The following KALRN variants were observed in gnomAD, a reference collection of about 807,000 sequenced individuals.
KALRN encodes the protein kalirin.
Under a neutral mutation model 353.7 loss-of-function variants are expected in KALRN, and 70 were observed. The observed-to-expected ratio is 0.20, with a 90% confidence interval of 0.16 to 0.24. The LOEUF is 0.24. KALRN is among the 10% of genes least tolerant of loss of function. KALRN has a pLI of 1.00. For synonymous variants in KALRN, 1,391 were observed against 1,434.8 expected (o/e 0.97, Z 0.69); for missense variants, 2,791 against 3,756.7 (o/e 0.74, Z 6.72).
rs143789295 is a variant in KALRN at position 124,648,115 on chromosome 3, C to T, written c.5665-2693C>T. Among the ~76,000 whole-genome samples, 966 of 152,318 alleles carry T rather than the reference C, an allele frequency of 6.3e-3. 7 individuals carry two copies. Among genetic ancestry groups the T allele is most frequent in the Middle Eastern group, 0.01 (3 of 294 alleles). On this transcript the variant is annotated intron_variant, in intron 37 of 59. Transcript: ENST00000682506. The stretch of plus-strand genomic sequence containing the variant: ...GCAGAACAGAGAATTTTAGGTCAAC[C>T]CTAGTTGCCCTTAGCTGGGGCTCAG...
intron 22 of KALRN, among the ~76,000 whole-genome samples, chr3:124,455,805 C>T (rs80146089): frequency 0.014 from 2,129 of 152,222 alleles, 20 homozygotes; most frequent in Non-Finnish European, 0.022. Flanking sequence ...ACATTTCAAC[C>T]GAACAGAGGT....
At chr3:124,400,412 G>A (rs2090713490) in intron 13 of KALRN, among the ~76,000 whole-genome samples, 1 of 152,120 alleles carries the variant, frequency 6.6e-6, no homozygotes, top group Non-Finnish European at 1.5e-5. Context: ...ACAGGTCCTG[G>A]AACAAAGGAG....
intron 37 of KALRN, among the ~76,000 whole-genome samples, chr3:124,644,322 C>G (rs1309077186): frequency 1.3e-5 from 2 of 150,070 alleles, no homozygotes; most frequent in East Asian, 3.8e-4. Flanking sequence ...ATGGCAGGAT[C>G]TTTTTTTAAA....
intron 19 of KALRN, 41 bp from the exon 20 acceptor site, chr3:124,446,120 C>A: frequency 7.0e-7 from 1 of 1,424,402 alleles, no homozygotes; most frequent in South Asian, 1.2e-5. Flanking sequence ...TGGATTTGCT[C>A]AGAGCCCCTT....
chr3:124,537,974 G>A (rs1033914851), intron 33 of KALRN, among the ~76,000 whole-genome samples: 2 of 152,182 alleles, frequency 1.3e-5, no homozygotes, highest in East Asian at 1.9e-4. Context: ...ATATGGTAAG[G>A]AATCAAAAAA....
chr3:124,336,120 C>T (rs1014814166), intron 9 of KALRN, among the ~76,000 whole-genome samples: 2 of 152,076 alleles, frequency 1.3e-5, no homozygotes, highest in African/African-American at 4.8e-5. Context: ...GAGCATGCCC[C>T]CACTTCTTGG....
chr3:124,504,473 A>T (rs1184872661), intron 33 of KALRN, among the ~76,000 whole-genome samples: 5 of 152,082 alleles, frequency 3.3e-5, no homozygotes, highest in Admixed American at 3.3e-4. Flanking sequence ...TTACCCTCCC[A>T]TCCACCCACT....
intron 33 of KALRN, chr3:124,519,927 C>A: frequency 1.0e-6 from 1 of 966,022 alleles, no homozygotes; most frequent in Non-Finnish European, 1.2e-6. Flanking sequence ...AGAACCCTTC[C>A]CATCCCACTT....
rs2090495417 is a variant in KALRN at position 124,398,862 on chromosome 3, C to T, written c.2337C>T (p.Tyr779=). 2.5e-6 allele frequency: 4 copies of T among 1,607,960 alleles called. No individual in the cohort carries two copies. The highest frequency in any genetic ancestry group is 3.4e-6 in the Non-Finnish European group (4 of 1,176,624). ...TGCAACTGCGCATCTTTGAGCAGTA[C>T]ACCATCGAGGTAGCAGGGGGCCAGG... ...IFLQLRIFEQ[Y]TIEVTAELDA... The change falls in exon 13 of 60, where the codon TAC becomes TAT. Residue 779 remains tyrosine (Y), a synonymous_variant. Transcript: ENST00000682506.
intron 34 of KALRN, among the ~76,000 whole-genome samples, chr3:124,618,521 T>C (rs951254341): frequency 6.6e-6 from 1 of 152,222 alleles, no homozygotes; most frequent in Non-Finnish European, 1.5e-5. Flanking sequence ...GTCATTTGTA[T>C]AGTGCTATTT....
chr3:124,094,782 T>G, intron 1 of KALRN: 1 of 1,464,838 alleles, frequency 6.8e-7, no homozygotes, highest in Non-Finnish European at 9.6e-7. Flanking sequence ...GAGTCAGCGG[T>G]GGTGGGATGA....
chr3:124,531,681 A>T (rs2068055492), intron 33 of KALRN, among the ~76,000 whole-genome samples: 1 of 152,164 alleles, frequency 6.6e-6, no homozygotes, highest in African/African-American at 2.4e-5. Context: ...ACCAAATCTC[A>T]CAAAACTTAC....
At chr3:124,540,215 G>A (rs1016617326) in intron 33 of KALRN, among the ~76,000 whole-genome samples, 37 of 152,042 alleles carry the variant, frequency 2.4e-4, no homozygotes, top group African/African-American at 6.8e-4. Context: ...CACTGCACCC[G>A]GCCACATTTA....
intron 14 of KALRN, among the ~76,000 whole-genome samples, chr3:124,416,393 C>T (rs1047869351): frequency 2.6e-5 from 4 of 152,166 alleles, no homozygotes; most frequent in Non-Finnish European, 4.4e-5. Context: ...GTGAAAACAC[C>T]CCAGGCAGAT....
At chr3:124,628,197 C>T (rs1204420782) in intron 34 of KALRN, among the ~76,000 whole-genome samples, 2 of 45,898 alleles carry the variant, frequency 4.4e-5, no homozygotes, top group Non-Finnish European at 7.6e-5. Flanking sequence ...TCATTCCCTC[C>T]CTCCCCCCCT....
At chr3:124,488,598 A>C in intron 29 of KALRN, 1 of 333,796 alleles carries the variant, frequency 3.0e-6, no homozygotes, top group South Asian at 5.5e-5. Context: ...CTCACTGTTG[A>C]TGTGCTAGAG....
chr3:124,412,226 G>GTC (rs1185472264), intron 13 of KALRN, among the ~76,000 whole-genome samples: 2 of 152,158 alleles, frequency 1.3e-5, no homozygotes, highest in African/African-American at 4.8e-5. Context: ...GTCTCCCTGT[G>GTC]TCCCTGATGC....
At chr3:124,307,439 G>A (rs1361793715) in intron 6 of KALRN, among the ~76,000 whole-genome samples, 2 of 151,980 alleles carry the variant, frequency 1.3e-5, no homozygotes, top group Non-Finnish European at 1.5e-5. Flanking sequence ...ACAATCTAAT[G>A]TTTGGTTTGT....
chr3:124,219,964 A>T (rs1375075798), intron 1 of KALRN, among the ~76,000 whole-genome samples: 1 of 148,016 alleles, frequency 6.8e-6, no homozygotes, highest in African/African-American at 2.5e-5. Context: ...TTTTGTTTTG[A>T]GATGGAGTCT....
Sources: allele counts gnomAD v4.1 joint callset (sites outside exome capture counted in the v4.1 genomes callset), GRCh38; gene constraint gnomAD v4.1.1; transcripts MANE v1.5; gene names NCBI Gene and HGNC (gene_info 2026-07-23, HGNC 2026-07-21).